Variants in RGPD3 observed in about 807,000 individuals in gnomAD.
The protein encoded by RGPD3 is ranBP2-like and GRIP domain-containing protein 3.
A neutral mutation model predicts 154.5 loss-of-function variants in RGPD3; 62 were observed. The ratio of observed to expected loss-of-function variants is 0.40; its 90% CI spans 0.33 to 0.50. RGPD3 has a LOEUF of 0.50. RGPD3 is among the 20% of genes least tolerant of loss of function. The pLI is 0.59. For synonymous variants in RGPD3, 308 were observed against 607.0 expected (o/e 0.51, Z 7.24); for missense variants, 919 against 1,716.8 (o/e 0.54, Z 8.21).
At chr2:106,465,354 G>A (rs1678535747) in intron 1 of RGPD3, among the ~76,000 whole-genome samples, 1 of 152,130 alleles carries the variant, frequency 6.6e-6, no homozygotes, top group Non-Finnish European at 1.5e-5. Context: ...TAATGTAAAT[G>A]ACTTTCAATT....
chr2:106,410,067 G>A (rs1197612261), intron 22 of RGPD3, among the ~76,000 whole-genome samples: 1 of 151,452 alleles, frequency 6.6e-6, no homozygotes, highest in Non-Finnish European at 1.5e-5. Flanking sequence ...GTAGAGAGGG[G>A]GTTTCACCAT....
intron 22 of RGPD3, among the ~76,000 whole-genome samples, chr2:106,410,788 G>A: frequency 6.6e-6 from 1 of 151,964 alleles, no homozygotes; most frequent in Admixed American, 6.6e-5. Context: ...ATAAATTAAA[G>A]ACAGTGAATT....
chr2:106,423,205 C>G lies in RGPD3; in HGVS notation c.4762G>C (p.Val1588Leu). 6.2e-7 allele frequency: 1 copy of G among 1,611,580 alleles called. No individual in the cohort carries two copies. Among genetic ancestry groups the G allele is most frequent in the Non-Finnish European group, 8.5e-7 (1 of 1,179,580 alleles). Residue 1588 changes from valine to leucine, a missense_variant, in exon 20 of 23, where the codon GTA becomes CTA. By Grantham distance (32) the Val-to-Leu change is conservative. Transcript: ENST00000409886. ...LKSNNSETSSVAQSGSESKVE... is the reference protein window; with the variant it reads ...LKSNNSETSSLAQSGSESKVE... ...TTGCTTTCAGATCCACTCTGGGCTA[C>G]TGAACTAGTTTCACTATTGTTACTT...
In RGPD3 at chr2:106,447,614, C is replaced by G; in HGVS notation, c.783-1G>C. On this transcript the variant is annotated splice_acceptor_variant, in intron 6 of 22. Transcript: ENST00000409886. LOFTEE classifies it high-confidence loss of function. Reference sequence around the variant, plus strand: ...CGCAGACTGAAGAGCACTATCAAAACTGTAATATGAAAATATCAAACAGAT... The same window carrying G: ...CGCAGACTGAAGAGCACTATCAAAAGTGTAATATGAAAATATCAAACAGAT... 1 of 150,056 alleles carries G rather than the reference C, an allele frequency of 6.7e-6. No homozygotes were observed. The highest frequency in any genetic ancestry group is 1.2e-5 in the Non-Finnish European group (1 of 86,736). The allele number at this position is 150,056 out of a possible 1,614,324, so 9.3% of individuals were successfully genotyped here.
chr2:106,433,129 G>T lies in RGPD3; in HGVS notation c.2362C>A (p.Leu788Ile). The stretch of plus-strand genomic sequence containing the variant: ...ACCTTGTAACTTTTACTTGGTGATA[G>T]TGAATATTTGGTAGGAGATGGTGTA... ...HSTPSPTKYS[L>I]SPSKSYKYSP... Residue 788 changes from leucine (L) to isoleucine (I), a missense_variant, in exon 16 of 23, where the codon CTA (leucine) becomes ATA (isoleucine). Physicochemically the swap from Leu to Ile is conservative, Grantham distance 5. Coordinates refer to ENST00000409886, the MANE Select transcript of RGPD3 (RefSeq NM_001144013.2). 6.2e-7 allele frequency: 1 copy of T among 1,610,734 alleles called. No individual in the cohort carries two copies. The highest frequency in any genetic ancestry group is 8.5e-7 in the Non-Finnish European group (1 of 1,179,156).
At chr2:106,468,625 G>GTGAA (rs576409969), upstream of RGPD3, among the ~76,000 whole-genome samples, 217 of 152,126 alleles carry the variant, frequency 1.4e-3, no homozygotes, top group African/African-American at 5.1e-3. Flanking sequence ...GGCCAACATG[G>GTGAA]TGAAAGCCCA....
At chr2:106,446,111 T>TAGA (rs1171363843) in intron 7 of RGPD3, among the ~76,000 whole-genome samples, 24 of 104,948 alleles carry the variant, frequency 2.3e-4, no homozygotes, top group Non-Finnish European at 3.8e-4. Context: ...AGATTTATAT[T>TAGA]AGGAGGGGCC....
Position 106,424,625 on chromosome 2 carries a change from T to TG in RGPD3, c.3341_3342insC (p.Thr1115AsnfsTer14). On this transcript the variant is annotated frameshift_variant, in exon 20 of 23. Coordinates refer to ENST00000409886, the MANE Select transcript of RGPD3 (RefSeq NM_001144013.2). LOFTEE classifies it high-confidence loss of function. ...GGGGCTTCAGGTTCATTGTAGTCGT[T>TG]ATCCAATGATTAGCACACACTTTTA... 6.2e-7 allele frequency: 1 copy of TG among 1,611,924 alleles called. No homozygotes were observed. Among genetic ancestry groups the TG allele is most frequent in the East Asian group, 2.2e-5 (1 of 44,854 alleles).
At chr2:106,427,160 T>C (rs1677226365) in intron 18 of RGPD3, among the ~76,000 whole-genome samples, 1 of 150,444 alleles carries the variant, frequency 6.6e-6, no homozygotes, top group Non-Finnish European at 1.5e-5. Flanking sequence ...CTAAAAGTAA[T>C]CTAACTTTTA....
rs563146350 is a variant in RGPD3, at chr2:106,417,691, G to A, written c.4925-1702C>T. Among the ~76,000 whole-genome samples, 127 of 151,016 alleles carry A rather than the reference G, an allele frequency of 8.4e-4. 2 individuals are homozygous for A. The highest frequency in any genetic ancestry group is 1.6e-3 in the Non-Finnish European group (109 of 67,966). On this transcript the variant is annotated intron_variant, in intron 20 of 22. Transcript: ENST00000409886. ...TGGGCCTATTAGATTTTTTTTAAAG[G>A]TTAAGTATGAGATTGTTCAAAATCT...
At chr2:106,462,799 C>T (rs1183400737) in intron 1 of RGPD3, among the ~76,000 whole-genome samples, 1 of 151,608 alleles carries the variant, frequency 6.6e-6, no homozygotes, top group Non-Finnish European at 1.5e-5. Context: ...ACAAACCCAT[C>T]TGATCAGCTC....
At chr2:106,446,288 T>C (rs1289370652) in intron 7 of RGPD3, among the ~76,000 whole-genome samples, 5 of 129,140 alleles carry the variant, frequency 3.9e-5, no homozygotes, top group Admixed American at 1.6e-4. Flanking sequence ...AAAAAAAGGC[T>C]GGGCATGGTG....
chr2:106,451,014 G>A (rs1339480261), intron 6 of RGPD3, among the ~76,000 whole-genome samples: 77 of 150,116 alleles, frequency 5.1e-4, no homozygotes, highest in African/African-American at 1.8e-3. Context: ...GCCTGAACCC[G>A]GGAGGCGGAG....
chr2:106,412,293 G>GTTTTTTTTTTTT (rs772813472), intron 22 of RGPD3, among the ~76,000 whole-genome samples: 1 of 45,028 alleles, frequency 2.2e-5, no homozygotes, highest in Admixed American at 4.0e-4. Context: ...CTACATCATA[G>GTTTTTTTTTTTT]TTTTTTTTTT....
At chr2:106,426,718 G>T (rs1469586715) in intron 18 of RGPD3, among the ~76,000 whole-genome samples, 7 of 152,228 alleles carry the variant, frequency 4.6e-5, no homozygotes, top group Admixed American at 3.9e-4. Context: ...CCCTGTTAAT[G>T]ACAAAACTAC....
intron 1 of RGPD3, among the ~76,000 whole-genome samples, chr2:106,465,787 G>T (rs551698030): frequency 6.6e-6 from 1 of 151,882 alleles, no homozygotes; most frequent in East Asian, 2.0e-4. Context: ...GGGGGGCGAG[G>T]GAGGTGAGTA....
intron 21 of RGPD3, among the ~76,000 whole-genome samples, chr2:106,414,971 A>G (rs957500695): frequency 4.3e-4 from 66 of 152,258 alleles, no homozygotes; most frequent in Admixed American, 7.2e-4. Context: ...CAGTGATGAG[A>G]TTAAATAATA....
chr2:106,412,747 C>A (rs1193412525), intron 22 of RGPD3: 1 of 493,522 alleles, frequency 2.0e-6, no homozygotes, highest in South Asian at 1.6e-5. Context: ...AAGGAACAAG[C>A]TAATAAATGT....
At chr2:106,461,275 A>G (rs1325738247) in intron 1 of RGPD3, among the ~76,000 whole-genome samples, 1 of 139,778 alleles carries the variant, frequency 7.2e-6, no homozygotes, top group East Asian at 2.3e-4. Flanking sequence ...TCTCTCTGGC[A>G]TATGTGAACT....
Sources: gnomAD v4.1 joint callset for allele counts (sites outside exome capture counted in the v4.1 genomes callset) on GRCh38, gnomAD v4.1.1 for gene constraint, MANE v1.5 for transcripts, NCBI Gene and HGNC (gene_info 2026-07-23, HGNC 2026-07-21) for gene names.